Variants in SCAI observed in about 807,000 individuals in gnomAD.
The protein encoded by SCAI is protein SCAI.
In SCAI, 24 loss-of-function variants were observed where a neutral mutation model predicts 92.2. The observed-to-expected ratio is 0.26, with a 90% CI of 0.19 to 0.37. The LOEUF is 0.37. Among genes scored for constraint, SCAI ranks in the 10% least tolerant of loss-of-function variants. SCAI has a pLI of 1.00. For missense variants in SCAI, 450 were observed against 736.2 expected (o/e 0.61, Z 4.50); for synonymous variants, 261 against 258.6 (o/e 1.01, Z -0.09).
intron 9 of SCAI, among the ~76,000 whole-genome samples, chr9:125,009,389 C>CCTCCCAAGTAG (rs1039734988): frequency 6.6e-6 from 1 of 152,152 alleles, no homozygotes; most frequent in African/African-American, 2.4e-5. Flanking sequence ...CCTGCCTCAG[C>CCTCCCAAGTAG]CTCCCAAGTA....
chr9:125,005,080 G>A (rs933998474), intron 9 of SCAI, among the ~76,000 whole-genome samples: 7 of 151,498 alleles, frequency 4.6e-5, no homozygotes, highest in South Asian at 2.1e-4. Flanking sequence ...GAGCTACCGC[G>A]CCCAGCCTAT....
In SCAI at chr9:125,106,290, TG is replaced by T. The variant is rs754023293; in HGVS notation, c.98+36342del. On this transcript the variant is annotated intron_variant, in intron 2 of 17. Coordinates refer to ENST00000336505, the MANE Select transcript of SCAI (RefSeq NM_001144877.3). ...CATGATAAAAAAAAAACACAAGCAT[TG>T]GAAGATTCATTTCCAATGGCCTAGT... Among the ~76,000 whole-genome samples, 6 of 150,418 alleles carry T rather than the reference TG, an allele frequency of 4.0e-5. No individual in the cohort carries two copies. The South Asian group carries it at 1.0e-3, about 26-fold the overall frequency.
At chr9:125,024,220 A>C (rs1052254561) in intron 6 of SCAI, among the ~76,000 whole-genome samples, 1 of 151,932 alleles carries the variant, frequency 6.6e-6, no homozygotes, top group Non-Finnish European at 1.5e-5. Flanking sequence ...AAGTGGTGAC[A>C]GTATCAAGTT....
chr9:125,127,427 C>T (rs1350879429), intron 2 of SCAI, among the ~76,000 whole-genome samples: 4 of 134,442 alleles, frequency 3.0e-5, no homozygotes, highest in East Asian at 2.1e-4. Flanking sequence ...TTTTTTGAGA[C>T]GGGTTCTCAT....
chr9:125,055,341 G>C (rs1202600068), intron 3 of SCAI, among the ~76,000 whole-genome samples: 1 of 152,038 alleles, frequency 6.6e-6, no homozygotes, highest in African/African-American at 2.4e-5. Flanking sequence ...TGAAATACAG[G>C]TTAAATCATA....
intron 2 of SCAI, among the ~76,000 whole-genome samples, chr9:125,081,278 A>G (rs1220740976): frequency 3.9e-5 from 6 of 152,202 alleles, no homozygotes; most frequent in Non-Finnish European, 8.8e-5. Flanking sequence ...AAAATGTGGG[A>G]AAGTTTGGAA....
intron 9 of SCAI, among the ~76,000 whole-genome samples, chr9:125,012,569 C>G (rs1832661535): frequency 6.6e-6 from 1 of 152,128 alleles, no homozygotes; most frequent in Admixed American, 6.6e-5. Flanking sequence ...GACTCCCACA[C>G]AATAATAATG....
chr9:125,049,982 G>T (rs749560102), intron 3 of SCAI, among the ~76,000 whole-genome samples: 9 of 151,708 alleles, frequency 5.9e-5, no homozygotes, highest in Non-Finnish European at 1.3e-4. Context: ...GCACTTTTCC[G>T]CAGTCAATTA....
At chr9:124,994,466 C>T (rs1307303105) in intron 14 of SCAI, among the ~76,000 whole-genome samples, 1 of 152,074 alleles carries the variant, frequency 6.6e-6, no homozygotes, top group Non-Finnish European at 1.5e-5. Flanking sequence ...GTGATTGTCA[C>T]AAATTTTCAA....
intron 14 of SCAI, among the ~76,000 whole-genome samples, chr9:124,982,568 T>A (rs1023766880): frequency 6.6e-6 from 1 of 151,132 alleles, no homozygotes; most frequent in Non-Finnish European, 1.5e-5. Context: ...TAATCCCAGT[T>A]ATTTGGGAGG....
At chr9:125,048,856 C>T (rs1356022727) in intron 3 of SCAI, among the ~76,000 whole-genome samples, 2 of 152,144 alleles carry the variant, frequency 1.3e-5, no homozygotes, top group South Asian at 2.1e-4. Context: ...AGCGATTCTC[C>T]TTCCTCAGCC....
At chr9:125,066,863 T>G (rs1833881880) in intron 2 of SCAI, among the ~76,000 whole-genome samples, 1 of 152,206 alleles carries the variant, frequency 6.6e-6, no homozygotes, top group South Asian at 2.1e-4. Flanking sequence ...ATACAAGTAC[T>G]TAACATTGTA....
chr9:125,125,230 A>T (rs1013632085), intron 2 of SCAI, among the ~76,000 whole-genome samples: 16 of 151,998 alleles, frequency 1.1e-4, no homozygotes, highest in African/African-American at 3.6e-4. Flanking sequence ...TAAAAAAAAT[A>T]AAATTAAATT....
At chr9:124,979,690 T>C (rs1264999966) in intron 14 of SCAI, among the ~76,000 whole-genome samples, 2 of 152,166 alleles carry the variant, frequency 1.3e-5, no homozygotes, top group African/African-American at 2.4e-5. Context: ...GGAAGAGATT[T>C]CACAATATGA....
intron 2 of SCAI, among the ~76,000 whole-genome samples, chr9:125,077,319 A>G (rs1834110280): frequency 6.6e-6 from 1 of 152,194 alleles, no homozygotes; most frequent in African/African-American, 2.4e-5. Context: ...GTAATACTCT[A>G]TTGTATGGAT....
At chr9:125,010,334 T>C (rs1185349866) in intron 9 of SCAI, among the ~76,000 whole-genome samples, 1 of 152,200 alleles carries the variant, frequency 6.6e-6, no homozygotes, top group East Asian at 1.9e-4. Flanking sequence ...ACCCCAATAC[T>C]GCGCTTTTCC....
At chr9:125,108,372 C>G (rs1304858503) in intron 2 of SCAI, among the ~76,000 whole-genome samples, 2 of 151,868 alleles carry the variant, frequency 1.3e-5, no homozygotes, top group Admixed American at 6.6e-5. Context: ...GCCGCCATCC[C>G]GTCTAGGAAG....
intron 2 of SCAI, among the ~76,000 whole-genome samples, chr9:125,114,673 A>G (rs1835000057): frequency 1.4e-5 from 2 of 146,166 alleles, no homozygotes; most frequent in South Asian, 4.4e-4. Flanking sequence ...TGGCATGATC[A>G]CAGCTCACAC....
At chr9:125,060,281 C>T (rs1462667210) in intron 2 of SCAI, among the ~76,000 whole-genome samples, 1 of 148,328 alleles carries the variant, frequency 6.7e-6, no homozygotes, top group Non-Finnish European at 1.5e-5. Flanking sequence ...AAAAAAAAGC[C>T]ATGGCAGATA....
Sources: gnomAD v4.1 joint callset for allele counts (sites outside exome capture counted in the v4.1 genomes callset) on GRCh38, gnomAD v4.1.1 for gene constraint, MANE v1.5 for transcripts, NCBI Gene and HGNC (gene_info 2026-07-23, HGNC 2026-07-21) for gene names.